The following MYO1G variants were observed in gnomAD, a reference collection of about 807,000 sequenced individuals.
MYO1G encodes the protein myosin IG, also known as unconventional myosin-Ig.
In MYO1G, 65 loss-of-function variants were observed where a neutral mutation model predicts 115.3. The ratio of observed to expected loss-of-function variants is 0.56; its 90% confidence interval spans 0.46 to 0.69. MYO1G has a LOEUF of 0.69. Ranked by LOEUF, MYO1G falls within the 30% of genes least tolerant of loss-of-function variation. The pLI is 0.00. For synonymous variants in MYO1G, 510 were observed against 552.6 expected, an observed-to-expected ratio of 0.92 and a Z score of 1.08; for missense variants, 1,204 against 1,393.5, an observed-to-expected ratio of 0.86 and a Z score of 2.16.
In MYO1G at chr7:44,966,269, G is replaced by A; in HGVS notation, c.1961C>T (p.Thr654Ile). 6.2e-7 allele frequency: 1 copy of A among 1,607,046 alleles called. No individual in the cohort carries two copies. Among genetic ancestry groups the A allele is most frequent in the Non-Finnish European group, 8.5e-7 (1 of 1,177,308 alleles). Residue 654 changes from threonine (T) to isoleucine (I), a missense_variant, in exon 16 of 22, where the codon ACC becomes ATC. Physicochemically the swap from Thr to Ile is moderately conservative, Grantham distance 89. Coordinates refer to ENST00000258787, the MANE Select transcript of MYO1G (RefSeq NM_033054.3). This position sits in a 1 kb window ranked among gnomAD's most constrained non-coding sequence, Gnocchi z 5.0. ...GTGGTTGGGCCATGTGTATTCACAG[G>A]TCATCTTGTACCTGTCACCACAGGA... is the stretch of plus-strand genomic sequence containing the variant. ...YSRFLLRYKM[T>I]CEYTWPNHLL...
Position 44,970,864 on chromosome 7 carries a change from C to T in MYO1G, c.1042G>A (p.Ala348Thr), listed in dbSNP as rs1794944406. Reference sequence around the variant, plus strand: ...GCACAGGCATCCCGGGCATAGCTGGCCTCAGCTGCAGTGTGGCCCTTCTCT... The same window carrying T: ...GCACAGGCATCCCGGGCATAGCTGGTCTCAGCTGCAGTGTGGCCCTTCTCT... The part of the protein sequence containing the change: ...LIEKGHTAAE[A>T]SYARDACAKA... Residue 348 changes from alanine (A) to threonine (T), a missense_variant, in exon 8 of 22, where the codon GCC (alanine) becomes ACC (threonine). Transcript: ENST00000258787. 1.2e-6 allele frequency: 2 copies of T among 1,613,522 alleles called. No homozygotes were observed. Among genetic ancestry groups the T allele is most frequent in the African/African-American group, 2.7e-5 (2 of 74,932 alleles).
At chr7:44,965,169 G>A in intron 17 of MYO1G, 80 bp from the exon 18 acceptor site, 1 of 1,534,280 alleles carries the variant, frequency 6.5e-7, no homozygotes, top group Non-Finnish European at 8.8e-7. Context: ...AGAGGAAGCT[G>A]AGCCCTCAGC....
chr7:44,971,879 T>G, intron 6 of MYO1G, 90 bp from the exon 7 acceptor site: 1 of 965,560 alleles, frequency 1.0e-6, no homozygotes, highest in East Asian at 2.6e-5. Context: ...CCTAGGCACC[T>G]GCTCACCCCT....
intron 5 of MYO1G, chr7:44,974,519 C>T (rs1409316173): frequency 6.5e-6 from 1 of 154,592 alleles, no homozygotes; most frequent in Non-Finnish European, 1.4e-5. Context: ...AGCTCCAAGT[C>T]CCTAGAGACA....
chr7:44,963,151 A>C lies in MYO1G; in HGVS notation c.2746-27T>G. The C allele has an allele frequency of 7.1e-7, 1 of 1,411,844 alleles. No homozygotes were observed. The highest frequency in any genetic ancestry group is 1.5e-5 in the South Asian group (1 of 68,042). 87.5% of individuals were successfully genotyped at this position (1,411,844 alleles called of 1,614,324 possible). On this transcript the variant is annotated intron_variant, in intron 20 of 21. Transcript: ENST00000258787. This position sits in a 1 kb window ranked among gnomAD's most constrained non-coding sequence, Gnocchi z 4.1. ...TGAGCGGAGCGCGGGGTCAGAGTGC[A>C]GCCGCCTCAACCCGCACCCCAGCCT... is the stretch of plus-strand genomic sequence containing the variant.
intron 5 of MYO1G, chr7:44,972,921 GCT>G (rs775279724): frequency 1.3e-5 from 2 of 152,230 alleles, no homozygotes; most frequent in African/African-American, 2.4e-5. Flanking sequence ...ATTCCAGAGA[GCT>G]CCACTTCAGT....
chr7:44,975,654 C>A lies in MYO1G; in HGVS notation c.399-5G>T. On this transcript the variant is annotated splice_region_variant and splice_polypyrimidine_tract_variant and intron_variant, in intron 3 of 21. Transcript: ENST00000258787. Reference sequence around the variant, plus strand: ...TTGAGCAGCACGTCCTTGACCCTGTCAGGGCAGAGGGGCTGGGTCTTAAGG... The same window carrying A: ...TTGAGCAGCACGTCCTTGACCCTGTAAGGGCAGAGGGGCTGGGTCTTAAGG... The A allele has an allele frequency of 6.3e-7, 1 of 1,599,420 alleles. No homozygotes were observed. Among genetic ancestry groups the A allele is most frequent in the Non-Finnish European group, 8.5e-7 (1 of 1,169,862 alleles).
chr7:44,970,189 G>T, intron 9 of MYO1G, 35 bp from the exon 10 acceptor site: 1 of 1,429,312 alleles, frequency 7.0e-7, no homozygotes, highest in South Asian at 1.2e-5. Context: ...AGGGGAGGTC[G>T]CTGCTTGTGG....
chr7:44,965,854 G>A lies in MYO1G; in HGVS notation c.2164C>T (p.Arg722Trp). The change falls in exon 17 of 22, where the codon CGG (arginine) becomes TGG (tryptophan). Residue 722 changes from arginine to tryptophan, a missense_variant. Coordinates refer to ENST00000258787, the MANE Select transcript of MYO1G (RefSeq NM_033054.3). ...IIVLLLQKAW[R>W]GTLARWRCRR... ...CAGCGCCACCTCGCCAAGGTGCCCC[G>A]CCATGCCTGGGTGGGCCAGGTGGGA... is the stretch of plus-strand genomic sequence containing the variant. 6 of 1,598,672 alleles carry A rather than the reference G, an allele frequency of 3.8e-6. No homozygotes were observed. Among genetic ancestry groups the A allele is most frequent in the South Asian group, 1.1e-5 (1 of 91,018 alleles).
intron 1 of MYO1G, among the ~76,000 whole-genome samples, chr7:44,978,635 T>A (rs944508637): frequency 1.3e-5 from 2 of 152,202 alleles, no homozygotes; most frequent in African/African-American, 4.8e-5. Flanking sequence ...GGTGGGCAGC[T>A]CCGGTGCTGA....
In MYO1G at chr7:44,969,419, T is replaced by G. The variant is rs1794910121; in HGVS notation, c.1568A>C (p.Asp523Ala). 6.2e-7 allele frequency: 1 copy of G among 1,613,434 alleles called. No individual in the cohort carries two copies. The highest frequency in any genetic ancestry group is 8.5e-7 in the Non-Finnish European group (1 of 1,179,914). Residue 523 changes from aspartate to alanine, a missense_variant, in exon 12 of 22, where the codon GAC (aspartate) becomes GCC (alanine). Physicochemically the swap from Asp to Ala is moderately radical, Grantham distance 126. Coordinates refer to ENST00000258787, the MANE Select transcript of MYO1G (RefSeq NM_033054.3). This position sits in a 1 kb window ranked among gnomAD's most constrained non-coding sequence, Gnocchi z 5.0. ...RDFRIKHYAG[D>A]VTYSVEGFID... is the part of the protein sequence containing the mutation. The stretch of plus-strand genomic sequence containing the variant: ...GGTGGGAGGGGGCCCTTACGTGACG[T>G]CCCCTGCATAGTGCTTGATCCGGAA...
Position 44,963,190 on chromosome 7 carries a change from C to T in MYO1G, c.2746-66G>A. The T allele has an allele frequency of 7.3e-7, 1 of 1,378,634 alleles. No homozygotes were observed. Among genetic ancestry groups the T allele is most frequent in the Non-Finnish European group, 9.3e-7 (1 of 1,071,950 alleles). The allele number at this position is 1,378,634 out of a possible 1,614,324, so 85.4% of individuals were successfully genotyped here. On this transcript the variant is annotated intron_variant, in intron 20 of 21. Transcript: ENST00000258787. The surrounding 1 kb of genome is among the most constrained non-coding windows in gnomAD (Gnocchi z 4.1). The stretch of plus-strand genomic sequence containing the variant: ...GCACCCCAGCCTAGCCGGACTCACC[C>T]CCTCCCCAGGAAGCCTCTGCCGAAC...
chr7:44,974,554 A>C (rs1795013657), intron 5 of MYO1G: 1 of 158,472 alleles, frequency 6.3e-6, no homozygotes, highest in South Asian at 1.8e-4. Context: ...GGGTGCTCCC[A>C]GTTCAGTGGG....
intron 2 of MYO1G, 33 bp downstream of exon 2, chr7:44,976,830 C>A: frequency 6.2e-7 from 1 of 1,609,274 alleles, no homozygotes; most frequent in South Asian, 1.1e-5. Context: ...ATGAAGATGC[C>A]GAGGGTGGGG....
Position 44,967,735 on chromosome 7 carries a change from G to C in MYO1G, c.1652C>G (p.Thr551Arg). 6.2e-7 allele frequency: 1 copy of C among 1,613,376 alleles called. No individual in the cohort carries two copies. Among genetic ancestry groups the C allele is most frequent in the Non-Finnish European group, 8.5e-7 (1 of 1,179,958 alleles). ...CCACATGGCCCGTAGAGTGGGGTCC[G>C]TGCTGCAGACACAGGCCGAATTCCC... ...QDFKRLLYNS[T>R]DPTLRAMWPD... Residue 551 changes from threonine (T) to arginine (R), a missense_variant and splice_region_variant, in exon 14 of 22, where the codon ACG becomes AGG. By Grantham distance (71) the Thr-to-Arg change is moderately conservative (BLOSUM62 -1). Coordinates refer to ENST00000258787, the MANE Select transcript of MYO1G (RefSeq NM_033054.3).
Position 44,969,669 on chromosome 7 carries a change from A to C in MYO1G, c.1503+36T>G. The C allele has an allele frequency of 6.2e-7, 1 of 1,606,334 alleles. No individual in the cohort carries two copies. Among genetic ancestry groups the C allele is most frequent in the Non-Finnish European group, 8.5e-7 (1 of 1,177,052 alleles). ...TGGTGCCTGTGGGGCAGGTCCCACC[A>C]GCCCACTGTGGTGGCACTGGGACAG... On this transcript the variant is annotated intron_variant, in intron 11 of 21. Coordinates refer to ENST00000258787, the MANE Select transcript of MYO1G (RefSeq NM_033054.3). This position sits in a 1 kb window ranked among gnomAD's most constrained non-coding sequence, Gnocchi z 5.0.
Position 44,966,851 on chromosome 7 carries a change from AG to A in MYO1G, c.1783-14del. On this transcript the variant is annotated splice_polypyrimidine_tract_variant and intron_variant, in intron 14 of 21. Transcript: ENST00000258787. The surrounding 1 kb of genome is among the most constrained non-coding windows in gnomAD (Gnocchi z 5.0). ...CGTAGAAGGGCTCCTGCAGGGACAG[AG>A]GGGACTTGGAGAGGGTCTGCGCCAG... The A allele has an allele frequency of 6.3e-7, 1 of 1,594,356 alleles. No homozygotes were observed. Among genetic ancestry groups the A allele is most frequent in the Non-Finnish European group, 8.6e-7 (1 of 1,168,960 alleles).
chr7:44,966,476 C>G lies in MYO1G; in HGVS notation c.1949+196G>C. 1.2e-6 allele frequency: 1 copy of G among 834,876 alleles called. No homozygotes were observed. The highest frequency in any genetic ancestry group is 2.6e-5 in the East Asian group (1 of 37,844). 51.7% of individuals were successfully genotyped at this position (834,876 alleles called of 1,614,324 possible). On this transcript the variant is annotated intron_variant, in intron 15 of 21. Coordinates refer to ENST00000258787, the MANE Select transcript of MYO1G (RefSeq NM_033054.3). This position sits in a 1 kb window ranked among gnomAD's most constrained non-coding sequence, Gnocchi z 5.0. Reference sequence around the variant, plus strand: ...CTCACACAGCCCTCATACCCATGTTCCCACCTGTATGTCCCCACATGCATG... The same window carrying G: ...CTCACACAGCCCTCATACCCATGTTGCCACCTGTATGTCCCCACATGCATG...
chr7:44,967,984 G>C lies in MYO1G; in HGVS notation c.1575-26C>G, dbSNP rs185419179. ...CTACCAGAAGCCAGGGCTGGTGAGGGAGCAGGGGCGGGGGCTGCCAGGCCA... is the reference window on the plus strand; with the variant it reads ...CTACCAGAAGCCAGGGCTGGTGAGGCAGCAGGGGCGGGGGCTGCCAGGCCA... On this transcript the variant is annotated intron_variant, in intron 12 of 21. Coordinates refer to ENST00000258787, the MANE Select transcript of MYO1G (RefSeq NM_033054.3). 56 of 1,608,706 alleles carry C rather than the reference G, an allele frequency of 3.5e-5. No individual in the cohort carries two copies. In the East Asian group the frequency reaches 1.1e-3, roughly 33 times the overall value.
Sources: allele counts gnomAD v4.1 joint callset (sites outside exome capture counted in the v4.1 genomes callset), GRCh38; gene constraint gnomAD v4.1.1; non-coding constraint Gnocchi (gnomAD v3.1); transcripts MANE v1.5; gene names NCBI Gene and HGNC (gene_info 2026-07-23, HGNC 2026-07-21).